The following MAP4 variants were observed in gnomAD, a reference collection of about 807,000 sequenced individuals.
The protein encoded by MAP4 is microtubule associated protein 4, also known as microtubule-associated protein 4.
MAP4 carries 76 observed loss-of-function variants against 170.2 expected under a neutral mutation model. That is an observed-to-expected ratio of 0.45 (90% CI 0.37 to 0.54). MAP4 has a LOEUF of 0.54. Ranked by LOEUF, MAP4 falls within the 20% of genes least tolerant of loss-of-function variation. MAP4 has a pLI of 0.00. For synonymous variants in MAP4, 909 were observed against 994.5 expected, an observed-to-expected ratio of 0.91 and a Z score of 1.62; for missense variants, 2,506 against 2,748.0, an observed-to-expected ratio of 0.91 and a Z score of 1.97.
intron 10 of MAP4, among the ~76,000 whole-genome samples, chr3:47,900,100 C>T (rs968086128): frequency 3.3e-5 from 5 of 152,136 alleles, no homozygotes; most frequent in African/African-American, 1.2e-4. Flanking sequence ...CCAGTTATTG[C>T]CTCCAGGAAA....
At chr3:48,019,275 G>A (rs765650601), upstream of MAP4, among the ~76,000 whole-genome samples, 18 of 151,938 alleles carry the variant, frequency 1.2e-4, no homozygotes, top group Non-Finnish European at 2.2e-4. Context: ...CCAGGAGCTT[G>A]AGGATGCAGT....
At chr3:47,968,554 C>T (rs1357675970) in intron 3 of MAP4, among the ~76,000 whole-genome samples, 2 of 152,078 alleles carry the variant, frequency 1.3e-5, no homozygotes, top group East Asian at 3.9e-4. Context: ...AATGAAAACA[C>T]AACATATCAA....
chr3:47,972,054 A>G (rs1457713599), intron 3 of MAP4, among the ~76,000 whole-genome samples: 1 of 152,248 alleles, frequency 6.6e-6, no homozygotes, highest in African/African-American at 2.4e-5. Context: ...GTTTTAATAA[A>G]AAGGAAATCT....
intron 1 of MAP4, among the ~76,000 whole-genome samples, chr3:48,015,937 C>G (rs1241689441): frequency 5.3e-5 from 8 of 152,144 alleles, no homozygotes; most frequent in Admixed American, 5.2e-4. Context: ...TACAACCCCC[C>G]TGAAGAATAT....
chr3:47,897,155 C>T (rs775437293), intron 10 of MAP4, among the ~76,000 whole-genome samples: 3 of 152,050 alleles, frequency 2.0e-5, no homozygotes, highest in East Asian at 1.9e-4. Context: ...GAGAGGGGGT[C>T]TCGCTTTGTT....
At chr3:47,920,355 C>T (rs924605892) in intron 5 of MAP4, among the ~76,000 whole-genome samples, 6 of 152,154 alleles carry the variant, frequency 3.9e-5, no homozygotes, top group Non-Finnish European at 7.3e-5. Flanking sequence ...GATCTGCCCG[C>T]CTCTGCCTCC....
intron 10 of MAP4, among the ~76,000 whole-genome samples, chr3:47,902,673 CAAAAAAAA>C (rs3051642): frequency 1.2e-4 from 3 of 25,772 alleles, no homozygotes; most frequent in East Asian, 1.3e-3. Flanking sequence ...GACTCTGTCT[CAAAAAAAA>C]AAAAAAAAAA....
intron 1 of MAP4, among the ~76,000 whole-genome samples, chr3:48,004,724 T>C (rs1227708691): frequency 6.6e-6 from 1 of 152,202 alleles, no homozygotes; most frequent in Non-Finnish European, 1.5e-5. Flanking sequence ...AAACTTGGAA[T>C]GGGGATGTGT....
intron 6 of MAP4, among the ~76,000 whole-genome samples, chr3:47,918,145 GC>G (rs1419106649): frequency 6.6e-6 from 1 of 152,176 alleles, no homozygotes; most frequent in Non-Finnish European, 1.5e-5. Flanking sequence ...ACCACGCCCA[GC>G]TAATTTTTTG....
intron 1 of MAP4, among the ~76,000 whole-genome samples, chr3:48,045,763 G>T (rs1372757782): frequency 6.6e-6 from 1 of 152,136 alleles, no homozygotes; most frequent in Non-Finnish European, 1.5e-5. Context: ...GGATGGTCTC[G>T]ATCTCCTGAC....
chr3:47,869,664 A>AC (rs2087546049), intron 15 of MAP4, among the ~76,000 whole-genome samples: 1 of 151,136 alleles, frequency 6.6e-6, no homozygotes, highest in Non-Finnish European at 1.5e-5. Flanking sequence ...CAATTACAAT[A>AC]CCCCCCACCC....
chr3:47,893,026 T>TA (rs35541072), intron 10 of MAP4, among the ~76,000 whole-genome samples: 41,403 of 118,008 alleles, frequency 0.35, 6,355 homozygotes, highest in South Asian at 0.41. Flanking sequence ...AAAATTGGAC[T>TA]AAAAAAAAAA....
intron 2 of MAP4, among the ~76,000 whole-genome samples, chr3:47,994,785 AC>A (rs1172418142): frequency 6.6e-6 from 1 of 152,122 alleles, no homozygotes; most frequent in Non-Finnish European, 1.5e-5. Context: ...CCCCATCTCT[AC>A]TAAAAATACA....
intron 1 of MAP4, among the ~76,000 whole-genome samples, chr3:48,049,563 G>A (rs986523052): frequency 1.3e-5 from 2 of 152,118 alleles, no homozygotes; most frequent in African/African-American, 4.8e-5. Context: ...AGGTTGCAGT[G>A]AGCAATGATG....
Position 47,917,110 on chromosome 3 carries a change from C to T in MAP4, c.717G>A (p.Leu239=), listed in dbSNP as rs766089344. 6.2e-7 allele frequency: 1 copy of T among 1,614,146 alleles called. No homozygotes were observed. Among genetic ancestry groups the T allele is most frequent in the South Asian group, 1.1e-5 (1 of 91,080 alleles). The stretch of plus-strand genomic sequence containing the variant: ...TAGTCTTCAGTCCCATCATTATTTC[C>T]AATGCTTGTGCTGGTGGCCTCTCTT... The part of the protein sequence containing the change: ...ASEERPPAQA[L]EIMMGLKTTD... The change falls in exon 7 of 21, where the codon TTG becomes TTA. Residue 239 remains leucine, a synonymous_variant. Coordinates refer to ENST00000683076, the MANE Select transcript of MAP4 (RefSeq NM_001385682.1).
chr3:47,852,766 A>G lies in MAP4; in HGVS notation c.*168T>C, dbSNP rs887288344. 2.6e-6 allele frequency: 4 copies of G among 1,544,992 alleles called. No individual in the cohort carries two copies. The highest frequency in any genetic ancestry group is 2.4e-5 in the South Asian group (2 of 83,832). The stretch of plus-strand genomic sequence containing the variant: ...GGAAGGCGAGCCTAGCGGGCTGCCC[A>G]GCACGGCGCCCAAGCGCTCACTGGT... On this transcript the variant is annotated 3_prime_UTR_variant, in exon 21 of 21. Transcript: ENST00000683076.
intron 1 of MAP4, among the ~76,000 whole-genome samples, chr3:48,085,483 G>A (rs2100148600): frequency 6.6e-6 from 1 of 152,164 alleles, no homozygotes; most frequent in Non-Finnish European, 1.5e-5. Flanking sequence ...TTTTAACAAA[G>A]GGATGCTGGA....
At chr3:48,003,951 A>G (rs185361228) in intron 1 of MAP4, among the ~76,000 whole-genome samples, 65 of 152,246 alleles carry the variant, frequency 4.3e-4, no homozygotes, top group Admixed American at 2.4e-3. Flanking sequence ...GCCCTCGAAC[A>G]TCGGACTCCA....
At chr3:47,917,312 G>A in intron 6 of MAP4, 138 bp from the exon 7 acceptor site, 1 of 712,332 alleles carries the variant, frequency 1.4e-6, no homozygotes, top group Non-Finnish European at 2.3e-6. Context: ...GTTAGGCCGG[G>A]CACAGTGGCT....
Sources: allele counts gnomAD v4.1 joint callset (sites outside exome capture counted in the v4.1 genomes callset), GRCh38; gene constraint gnomAD v4.1.1; transcripts MANE v1.5; gene names NCBI Gene and HGNC (gene_info 2026-07-23, HGNC 2026-07-21).